Variants in CARM1 observed in about 807,000 individuals in gnomAD.
CARM1 encodes the protein histone-arginine methyltransferase CARM1.
In CARM1, 14 loss-of-function variants were observed where a neutral mutation model predicts 72.7. The observed-to-expected ratio is 0.19, with a 90% CI of 0.13 to 0.30. CARM1 has a LOEUF of 0.30. Ranked by LOEUF, CARM1 falls within the 10% of genes least tolerant of loss-of-function variation. The pLI is 1.00. For synonymous variants in CARM1, 333 were observed against 345.5 expected, an observed-to-expected ratio of 0.96 and a Z score of 0.40; for missense variants, 432 against 833.7, an observed-to-expected ratio of 0.52 and a Z score of 5.93.
intron 1 of CARM1, among the ~76,000 whole-genome samples, chr19:10,880,307 A>AG (rs2073892105): frequency 1.3e-5 from 2 of 152,012 alleles, no homozygotes; most frequent in Admixed American, 1.3e-4. Context: ...TGAGGCTGGG[A>AG]GGGGTTTCCA....
chr19:10,912,312 GC>G lies in CARM1; in HGVS notation c.669+21del. On this transcript the variant is annotated intron_variant, in intron 5 of 15. Coordinates refer to ENST00000327064, the MANE Select transcript of CARM1 (RefSeq NM_199141.2). This position sits in a 1 kb window ranked among gnomAD's most constrained non-coding sequence, Gnocchi z 4.5. ...ACGCTGAGGTCAGTGGCCCGCTGGT[GC>G]CCACCCAGCCTCGTCCTCGCCCATG... 1 of 1,574,820 alleles carries G rather than the reference GC, an allele frequency of 6.3e-7. No homozygotes were observed. The highest frequency in any genetic ancestry group is 8.7e-7 in the Non-Finnish European group (1 of 1,144,996).
At chr19:10,909,463 C>T (rs761937017) in intron 4 of CARM1, among the ~76,000 whole-genome samples, 25 of 150,094 alleles carry the variant, frequency 1.7e-4, no homozygotes, top group Non-Finnish European at 3.1e-4. Flanking sequence ...AGGCCAGGCG[C>T]GGTGGCTCAC....
In CARM1 at chr19:10,912,052, A is replaced by G. The variant is rs2074154822; in HGVS notation, c.559-132A>G. 2.7e-6 allele frequency: 2 copies of G among 749,708 alleles called. No individual in the cohort carries two copies. The highest frequency in any genetic ancestry group is 3.4e-5 in the African/African-American group (2 of 58,412). The allele number at this position is 749,708 out of a possible 1,614,324, so 46.4% of individuals were successfully genotyped here. ...CTTGAGTTCTCGCTTCATTTTGACC[A>G]AGAGCCCATAAAGGGCAAACATTGA... On this transcript the variant is annotated intron_variant, in intron 4 of 15. Coordinates refer to ENST00000327064, the MANE Select transcript of CARM1 (RefSeq NM_199141.2). The surrounding 1 kb of genome is among the most constrained non-coding windows in gnomAD (Gnocchi z 4.5).
intron 14 of CARM1, 108 bp downstream of exon 14, chr19:10,921,235 C>T: frequency 3.5e-6 from 5 of 1,433,728 alleles, no homozygotes; most frequent in Non-Finnish European, 4.9e-6. Flanking sequence ...GTCCTTTCAC[C>T]TTTTCCTCTT....
rs1568356366 is a variant in CARM1, at chr19:10,916,618, C to G, written c.939-78C>G. The G allele has an allele frequency of 7.1e-7, 1 of 1,415,944 alleles. No homozygotes were observed. Among genetic ancestry groups the G allele is most frequent in the East Asian group, 2.4e-5 (1 of 41,146 alleles). The allele number at this position is 1,415,944 out of a possible 1,614,324, so 87.7% of individuals were successfully genotyped here. ...AAGACTTGGGCTAGATGAGGGCTGA[C>G]TGGGAGAGAAGGCAGGGCTACCCCA... is the stretch of plus-strand genomic sequence containing the variant. On this transcript the variant is annotated intron_variant, in intron 7 of 15. Coordinates refer to ENST00000327064, the MANE Select transcript of CARM1 (RefSeq NM_199141.2). This position sits in a 1 kb window ranked among gnomAD's most constrained non-coding sequence, Gnocchi z 4.4.
chr19:10,873,529 C>T (rs1026669662), intron 1 of CARM1, among the ~76,000 whole-genome samples: 1 of 144,220 alleles, frequency 6.9e-6, no homozygotes, highest in Admixed American at 7.1e-5. Context: ...GCAGAGGTTG[C>T]AATGAGCTGA....
At position 10,871,613 on chromosome 19, in the gene CARM1, G is replaced by GGTA. The variant is rs1555723448; in HGVS notation, c.-89_-88insTAG. 1 of 139,186 alleles carries GGTA rather than the reference G, an allele frequency of 7.2e-6. No homozygotes were observed. The highest frequency in any genetic ancestry group is 1.4e-5 in the Non-Finnish European group (1 of 71,692). The allele number at this position is 139,186 out of a possible 1,614,324, so 8.6% of individuals were successfully genotyped here. ...CAGCGGCGGCGGCGGCGGCGGCGGC[G>GGTA]GCGGCGGCGGCGGCGGCGGCGGCGG... On this transcript the variant is annotated 5_prime_UTR_variant, in exon 1 of 16. Transcript: ENST00000327064. This position sits in a 1 kb window ranked among gnomAD's most constrained non-coding sequence, Gnocchi z 5.6.
intron 8 of CARM1, among the ~76,000 whole-genome samples, chr19:10,917,908 C>T (rs147280054): frequency 1.1e-4 from 17 of 152,110 alleles, no homozygotes; most frequent in Admixed American, 3.9e-4. Flanking sequence ...GATGGGGTTT[C>T]GCCATGTTGG....
chr19:10,896,111 T>C lies in CARM1; in HGVS notation c.221-8840T>C, dbSNP rs1329741647. On this transcript the variant is annotated intron_variant, in intron 1 of 15. Transcript: ENST00000327064. This position sits in a 1 kb window ranked among gnomAD's most constrained non-coding sequence, Gnocchi z 5.2. ...GAAGCAGGCGGGTTGTGTTAGACAC[T>C]GTGCGGCTTGAAGGGTGGACTGGGA... 6.6e-6 allele frequency among the ~76,000 whole-genome samples: 1 copy of C among 152,016 alleles called. No individual in the cohort carries two copies. Among genetic ancestry groups the C allele is most frequent in the African/African-American group, 2.4e-5 (1 of 41,382 alleles).
chr19:10,919,765 T>TC, intron 9 of CARM1, 85 bp downstream of exon 9: 2 of 1,507,612 alleles, frequency 1.3e-6, no homozygotes, highest in Non-Finnish European at 1.8e-6. Flanking sequence ...CATCCTGCCG[T>TC]CCCAGGGCAG....
intron 1 of CARM1, among the ~76,000 whole-genome samples, chr19:10,872,865 G>A (rs372617522): frequency 1.0e-3 from 155 of 152,160 alleles, no homozygotes; most frequent in African/African-American, 3.5e-3. Flanking sequence ...GATGCCCTGG[G>A]GAACCCCTCA....
intron 1 of CARM1, among the ~76,000 whole-genome samples, chr19:10,877,017 G>T (rs2073869762): frequency 6.6e-6 from 1 of 152,214 alleles, no homozygotes; most frequent in Non-Finnish European, 1.5e-5. Context: ...GCATGCCATG[G>T]GGTGGAAAGT....
intron 4 of CARM1, among the ~76,000 whole-genome samples, chr19:10,909,758 A>AC (rs2074133505): frequency 2.6e-5 from 4 of 151,708 alleles, no homozygotes; most frequent in East Asian, 3.9e-4. Context: ...AAACAAACAA[A>AC]AAAAACAAAA....
chr19:10,880,408 C>T (rs1225561875), intron 1 of CARM1, among the ~76,000 whole-genome samples: 2 of 152,004 alleles, frequency 1.3e-5, no homozygotes, highest in East Asian at 1.9e-4. Context: ...TGCAGTGACA[C>T]GATCATAGCT....
At position 10,871,601 on chromosome 19, in the gene CARM1, G is replaced by GGCGGCGGCGGCT. The variant is rs1568342713; in HGVS notation, c.-91_-90insTGCGGCGGCGGC. On this transcript the variant is annotated 5_prime_UTR_variant, in exon 1 of 16. Transcript: ENST00000327064. This position sits in a 1 kb window ranked among gnomAD's most constrained non-coding sequence, Gnocchi z 5.6. ...CGGCGGTAGCGGCAGCGGCGGCGGC[G>GGCGGCGGCGGCT]GCGGCGGCGGCGGCGGCGGCGGCGG... 3.8e-5 allele frequency: 4 copies of GGCGGCGGCGGCT among 104,312 alleles called. No individual in the cohort carries two copies. Among genetic ancestry groups the GGCGGCGGCGGCT allele is most frequent in the Non-Finnish European group, 7.9e-5 (4 of 50,446 alleles). 6.5% of individuals were successfully genotyped at this position (104,312 alleles called of 1,614,324 possible). A position where few individuals can be genotyped will look rare whatever the true frequency, so the allele number is the denominator to read the frequency against.
At chr19:10,908,188 G>A in intron 3 of CARM1, 43 bp downstream of exon 3, 1 of 1,318,118 alleles carries the variant, frequency 7.6e-7, no homozygotes, top group Non-Finnish European at 1.1e-6. Context: ...CCCCCCGGCA[G>A]CCCCCCTGCC....
At chr19:10,899,426 A>G (rs1409792806) in intron 1 of CARM1, among the ~76,000 whole-genome samples, 2 of 152,246 alleles carry the variant, frequency 1.3e-5, no homozygotes, top group African/African-American at 4.8e-5. Flanking sequence ...TGTGGGCACC[A>G]TGCCAAGGTT....
chr19:10,913,066 C>T (rs2074165581), intron 5 of CARM1, among the ~76,000 whole-genome samples: 3 of 151,938 alleles, frequency 2.0e-5, no homozygotes, highest in African/African-American at 7.3e-5. Context: ...CCTAGGAGGC[C>T]GCAGCAGGGG....
chr19:10,884,140 C>T (rs1325127469), intron 1 of CARM1, among the ~76,000 whole-genome samples: 2 of 148,706 alleles, frequency 1.3e-5, no homozygotes, highest in African/African-American at 2.5e-5. Flanking sequence ...GTCAGGAGTT[C>T]GAGACCAGCC....
Sources: allele counts gnomAD v4.1 joint callset (sites outside exome capture counted in the v4.1 genomes callset), GRCh38; gene constraint gnomAD v4.1.1; non-coding constraint Gnocchi (gnomAD v3.1); transcripts MANE v1.5; gene names NCBI Gene and HGNC (gene_info 2026-07-23, HGNC 2026-07-21).